ELOVL6: variants seen among roughly 807,000 people sequenced by gnomAD.
ELOVL6 encodes ELOVL fatty acid elongase 6.
A neutral mutation model predicts 31.7 loss-of-function variants in ELOVL6; 8 were observed. The ratio of observed to expected loss-of-function variants is 0.25; its 90% CI spans 0.15 to 0.45. ELOVL6 has a LOEUF of 0.45. ELOVL6 is among the 20% of genes least tolerant of loss of function. The pLI is 1.00. For missense variants in ELOVL6, 126 were observed against 326.4 expected, an observed-to-expected ratio of 0.39 and a Z score of 4.73; for synonymous variants, 101 against 117.7, an observed-to-expected ratio of 0.86 and a Z score of 0.92.
intron 1 of ELOVL6, among the ~76,000 whole-genome samples, chr4:110,171,346 T>C (rs553109629): frequency 1.6e-4 from 24 of 152,028 alleles, no homozygotes; most frequent in Admixed American, 1.6e-3. Flanking sequence ...GAATCAGAGG[T>C]TGCAGTGAGC....
At chr4:110,120,735 A>G (rs1269624262) in intron 1 of ELOVL6, among the ~76,000 whole-genome samples, 2 of 150,858 alleles carry the variant, frequency 1.3e-5, no homozygotes, top group African/African-American at 2.4e-5. Context: ...ACACTTCTCA[A>G]CCACTACATT....
At chr4:110,084,758 C>T (rs966115379) in intron 2 of ELOVL6, among the ~76,000 whole-genome samples, 3 of 150,512 alleles carry the variant, frequency 2.0e-5, no homozygotes, top group South Asian at 2.1e-4. Flanking sequence ...CCACACCTGG[C>T]TAATTTTTGT....
intron 1 of ELOVL6, among the ~76,000 whole-genome samples, chr4:110,172,816 A>C (rs1418378415): frequency 2.0e-5 from 3 of 152,224 alleles, no homozygotes; most frequent in Admixed American, 1.3e-4. Flanking sequence ...ACAGTGAAAC[A>C]ATGGACATAT....
chr4:110,158,635 G>GTATGTATATA (rs1553961433), intron 1 of ELOVL6, among the ~76,000 whole-genome samples: 1 of 81,568 alleles, frequency 1.2e-5, no homozygotes, highest in East Asian at 3.7e-4. Flanking sequence ...ATATACACGT[G>GTATGTATATA]TATATATATA....
intron 1 of ELOVL6, among the ~76,000 whole-genome samples, chr4:110,169,136 A>G (rs1391718177): frequency 6.6e-6 from 1 of 150,964 alleles, no homozygotes; most frequent in African/African-American, 2.4e-5. Flanking sequence ...TAATTTTTGT[A>G]TTTTTGGTAG....
intron 2 of ELOVL6, chr4:110,059,968 C>T (rs1295205030): frequency 6.7e-6 from 3 of 446,394 alleles, no homozygotes; most frequent in African/African-American, 4.0e-5. Context: ...GATACCACTT[C>T]CTCTTCATCA....
chr4:110,071,391 T>C (rs551201153), intron 2 of ELOVL6, among the ~76,000 whole-genome samples: 2 of 152,366 alleles, frequency 1.3e-5, no homozygotes, highest in South Asian at 4.1e-4. Context: ...CCCTGTGCTA[T>C]ACCTTACTCC....
chr4:110,121,784 A>C (rs1467797478), intron 1 of ELOVL6, among the ~76,000 whole-genome samples: 2 of 152,186 alleles, frequency 1.3e-5, no homozygotes, highest in East Asian at 3.8e-4. Flanking sequence ...AATCACTTAC[A>C]CTTGCAATTC....
chr4:110,065,400 G>A (rs1365253923), intron 2 of ELOVL6, among the ~76,000 whole-genome samples: 2 of 152,198 alleles, frequency 1.3e-5, no homozygotes, highest in Non-Finnish European at 2.9e-5. Context: ...GCTGAAGTGG[G>A]TGGCTCACTT....
chr4:110,184,529 C>A lies in ELOVL6; in HGVS notation c.89+13718G>T, dbSNP rs1006688246. Among the ~76,000 whole-genome samples the A allele has an allele frequency of 2.0e-5, 3 of 152,282 alleles. No homozygotes were observed. In the East Asian group the frequency reaches 5.8e-4, roughly 29 times the overall value. ...TGCCAGATTTTGAATGACCTTAAAA[C>A]AACGGGAAACCACTGAAGGTTTTTA... On this transcript the variant is annotated intron_variant, in intron 1 of 3. Coordinates refer to ENST00000302274, the MANE Select transcript of ELOVL6 (RefSeq NM_024090.3).
chr4:110,047,670 C>T lies in ELOVL6; in HGVS notation c.*3668G>A, dbSNP rs939161390. On this transcript the variant is annotated 3_prime_UTR_variant, in exon 4 of 4. Coordinates refer to ENST00000302274, the MANE Select transcript of ELOVL6 (RefSeq NM_024090.3). ...TTTGGGAGACCAAGGCGGGTGGATC[C>T]CCTGAGGTCAGGAGCTCGAGACCAG... The T allele has an allele frequency of 6.6e-6, 1 of 152,058 alleles. No individual in the cohort carries two copies. Among genetic ancestry groups the T allele is most frequent in the African/African-American group, 2.4e-5 (1 of 41,404 alleles). 9.4% of individuals were successfully genotyped at this position (152,058 alleles called of 1,614,324 possible).
intron 2 of ELOVL6, among the ~76,000 whole-genome samples, chr4:110,102,399 G>C (rs1325752560): frequency 6.6e-6 from 1 of 152,166 alleles, no homozygotes; most frequent in Non-Finnish European, 1.5e-5. Context: ...TTGGATTTTT[G>C]ACCCGAGAGG....
At chr4:110,164,399 G>A (rs1758710611) in intron 1 of ELOVL6, among the ~76,000 whole-genome samples, 1 of 152,130 alleles carries the variant, frequency 6.6e-6, no homozygotes, top group Admixed American at 6.6e-5. Context: ...TCTGAGCTAG[G>A]CACTAAGGAA....
intron 1 of ELOVL6, among the ~76,000 whole-genome samples, chr4:110,143,669 A>G (rs1298748701): frequency 6.6e-6 from 1 of 152,240 alleles, no homozygotes; most frequent in African/African-American, 2.4e-5. Context: ...TTGGATGCAC[A>G]TTAAAGCTTG....
At chr4:110,176,798 C>A (rs1461411496) in intron 1 of ELOVL6, among the ~76,000 whole-genome samples, 1 of 152,194 alleles carries the variant, frequency 6.6e-6, no homozygotes. Flanking sequence ...AGTGCAATGG[C>A]ACGATCTCGG....
At chr4:110,063,617 T>C (rs964995989) in intron 2 of ELOVL6, among the ~76,000 whole-genome samples, 7 of 152,206 alleles carry the variant, frequency 4.6e-5, no homozygotes, top group Non-Finnish European at 1.0e-4. Flanking sequence ...AAGTGAAATG[T>C]ATCTTTCCTT....
intron 2 of ELOVL6, among the ~76,000 whole-genome samples, chr4:110,082,037 C>T (rs1185443466): frequency 6.8e-6 from 1 of 147,848 alleles, no homozygotes; most frequent in Non-Finnish European, 1.5e-5. Flanking sequence ...ATCAAAACCA[C>T]AATGAGATAC....
intron 1 of ELOVL6, among the ~76,000 whole-genome samples, chr4:110,142,782 T>A (rs1758001048): frequency 6.6e-6 from 1 of 152,250 alleles, no homozygotes; most frequent in South Asian, 2.1e-4. Flanking sequence ...TTTTGTTGGC[T>A]ATGCTGCCAT....
chr4:110,115,836 A>G (rs183741399), intron 1 of ELOVL6, among the ~76,000 whole-genome samples: 7 of 152,302 alleles, frequency 4.6e-5, no homozygotes, highest in Admixed American at 1.3e-4. Flanking sequence ...AAAATCAAAG[A>G]GTCACCAGGG....
Sources: gnomAD v4.1 joint callset for allele counts (sites outside exome capture counted in the v4.1 genomes callset) on GRCh38, gnomAD v4.1.1 for gene constraint, MANE v1.5 for transcripts, NCBI Gene and HGNC (gene_info 2026-07-23, HGNC 2026-07-21) for gene names.